Variants in NEO1 observed in about 807,000 individuals in gnomAD.
The protein encoded by NEO1 is neogenin 1.
NEO1 carries 63 observed loss-of-function variants against 159.7 expected under a neutral mutation model. That is an observed-to-expected ratio of 0.39 (90% CI 0.32 to 0.49). The LOEUF (loss-of-function observed/expected upper bound fraction) is 0.49. NEO1 is among the 20% of genes least tolerant of loss of function. The pLI, the probability that NEO1 is intolerant of heterozygous loss-of-function variation, is 0.85. For synonymous variants in NEO1, 633 were observed against 662.0 expected (o/e 0.96, Z 0.67); for missense variants, 1,615 against 1,831.0 (o/e 0.88, Z 2.15).
chr15:73,074,500 T>C (rs2068679892), intron 1 of NEO1, among the ~76,000 whole-genome samples: 1 of 152,258 alleles, frequency 6.6e-6, no homozygotes, highest in Non-Finnish European at 1.5e-5. Flanking sequence ...TTATGCTTTA[T>C]TTCTGTGACT....
chr15:73,113,202 T>C (rs1046300010), intron 1 of NEO1, among the ~76,000 whole-genome samples: 1 of 151,580 alleles, frequency 6.6e-6, no homozygotes, highest in African/African-American at 2.4e-5. Flanking sequence ...CTCTTCCATA[T>C]AGTTTTGTAA....
At position 73,155,753 on chromosome 15, in the gene NEO1, G is replaced by A. The variant is rs143606618; in HGVS notation, c.1015+19726G>A. ...CTGTTCAGGCTTGTCTATTGTTGAAGCTTTCAAATGTATTTTGTAATTCCT... is the reference window on the plus strand; with the variant it reads ...CTGTTCAGGCTTGTCTATTGTTGAAACTTTCAAATGTATTTTGTAATTCCT... On this transcript the variant is annotated intron_variant, in intron 5 of 28. Transcript: ENST00000261908. 6.2e-3 allele frequency among the ~76,000 whole-genome samples: 945 copies of A among 152,262 alleles called. 13 individuals carry two copies. The highest frequency in any genetic ancestry group is 0.048 in the East Asian group (247 of 5,182).
At chr15:73,227,061 A>T (rs566144156) in intron 7 of NEO1, among the ~76,000 whole-genome samples, 21 of 152,350 alleles carry the variant, frequency 1.4e-4, no homozygotes, top group Middle Eastern at 3.4e-3. Flanking sequence ...TTAAACTAAT[A>T]ATTATAGACT....
intron 1 of NEO1, among the ~76,000 whole-genome samples, chr15:73,096,278 A>G (rs1223144816): frequency 3.3e-5 from 5 of 152,336 alleles, no homozygotes; most frequent in East Asian, 1.9e-4. Flanking sequence ...TTTTCACTCG[A>G]TAGATATCAA....
chr15:73,273,018 C>A (rs2041244771), intron 19 of NEO1, among the ~76,000 whole-genome samples: 1 of 149,502 alleles, frequency 6.7e-6, no homozygotes, highest in East Asian at 2.0e-4. Flanking sequence ...CTTTTCACTG[C>A]CCCCCGAGAC....
chr15:73,064,491 G>T (rs1054782087), intron 1 of NEO1, among the ~76,000 whole-genome samples: 2 of 152,074 alleles, frequency 1.3e-5, no homozygotes, highest in East Asian at 1.9e-4. Context: ...TAGAGACATA[G>T]TCTCACTCTG....
chr15:73,170,940 T>A (rs576588216), intron 5 of NEO1, among the ~76,000 whole-genome samples: 1 of 150,518 alleles, frequency 6.6e-6, no homozygotes, highest in South Asian at 2.1e-4. Flanking sequence ...AAAAGAGAGA[T>A]AGACACACAT....
intron 7 of NEO1, among the ~76,000 whole-genome samples, chr15:73,179,253 A>G (rs1235431147): frequency 6.6e-6 from 1 of 152,184 alleles, no homozygotes; most frequent in Non-Finnish European, 1.5e-5. Context: ...AAGAATGGCA[A>G]CTATCAGGAG....
intron 4 of NEO1, among the ~76,000 whole-genome samples, chr15:73,129,649 A>G (rs889449155): frequency 6.6e-6 from 1 of 152,194 alleles, no homozygotes; most frequent in African/African-American, 2.4e-5. Context: ...TATAAATGCT[A>G]GTGTTCAAGG....
At chr15:73,245,518 G>A (rs1040637848) in intron 9 of NEO1, among the ~76,000 whole-genome samples, 1 of 151,934 alleles carries the variant, frequency 6.6e-6, no homozygotes, top group Non-Finnish European at 1.5e-5. Context: ...TCCTACTTGA[G>A]GCTTTTGTCT....
At position 73,135,622 on chromosome 15, in the gene NEO1, G is replaced by C. The variant is rs575713751; in HGVS notation, c.879-269G>C. 3.9e-5 allele frequency among the ~76,000 whole-genome samples: 6 copies of C among 152,300 alleles called. No homozygotes were observed. In the East Asian group the frequency reaches 1.2e-3, roughly 29 times the overall value. On this transcript the variant is annotated intron_variant, in intron 4 of 28. Coordinates refer to ENST00000261908, the MANE Select transcript of NEO1 (RefSeq NM_002499.4). ...GAAGGAAGTGAAATTGGTTCCAAGAGTGATACCCCTTTGGAAATAACTAGA... is the reference window on the plus strand; with the variant it reads ...GAAGGAAGTGAAATTGGTTCCAAGACTGATACCCCTTTGGAAATAACTAGA...
At position 73,298,601 on chromosome 15, in the gene NEO1, G is replaced by C. The variant is rs776073407; in HGVS notation, c.4155G>C (p.Leu1385=). 1.2e-6 allele frequency: 2 copies of C among 1,614,182 alleles called. No individual in the cohort carries two copies. The highest frequency in any genetic ancestry group is 2.2e-5 in the South Asian group (2 of 91,082). ...CTGCATTGCCAAGCACACCATTACT[G>C]TCCCAGCAAGGTGAGTGAGGATGGC... ...YDPALPSTPL[L]SQQALNHHIH... The change falls in exon 27 of 29, where the codon CTG becomes CTC. Residue 1385 remains leucine, a synonymous_variant. Coordinates refer to ENST00000261908, the MANE Select transcript of NEO1 (RefSeq NM_002499.4).
At chr15:73,176,382 A>G (rs1162818622) in intron 5 of NEO1, 21 bp from the exon 6 acceptor site, 2 of 1,486,180 alleles carry the variant, frequency 1.3e-6, no homozygotes, top group Non-Finnish European at 1.8e-6. Flanking sequence ...TTAATGTCTT[A>G]ATTTCCTTTT....
chr15:73,179,084 CAATG>C (rs1267170236), intron 7 of NEO1, among the ~76,000 whole-genome samples: 2 of 151,990 alleles, frequency 1.3e-5, no homozygotes, highest in African/African-American at 4.8e-5. Flanking sequence ...ATTCAGATAA[CAATG>C]AAAAGTATAA....
intron 7 of NEO1, among the ~76,000 whole-genome samples, chr15:73,220,953 G>T (rs2038217152): frequency 6.6e-6 from 1 of 152,190 alleles, no homozygotes; most frequent in Non-Finnish European, 1.5e-5. Context: ...ATCCAGCTTT[G>T]TTCCATTGCT....
chr15:73,192,603 T>G lies in NEO1; in HGVS notation c.1291+14176T>G, dbSNP rs541142875. 7.2e-5 allele frequency among the ~76,000 whole-genome samples: 11 copies of G among 152,082 alleles called. 1 individual carries two copies. The South Asian group carries it at 2.3e-3, about 32-fold the overall frequency. ...AGCATAAATCTCTAAGTAACCTAAT[T>G]GATCCAACCAATAAGGGACTAGTTA... On this transcript the variant is annotated intron_variant, in intron 7 of 28. Transcript: ENST00000261908.
chr15:73,216,215 G>C (rs1464411681), intron 7 of NEO1, among the ~76,000 whole-genome samples: 1 of 152,028 alleles, frequency 6.6e-6, no homozygotes, highest in Non-Finnish European at 1.5e-5. Context: ...AGTTTACTGA[G>C]AATGATGATT....
chr15:73,264,069 C>T (rs1348327142), intron 15 of NEO1, among the ~76,000 whole-genome samples: 1 of 151,936 alleles, frequency 6.6e-6, no homozygotes, highest in Non-Finnish European at 1.5e-5. Flanking sequence ...TGCTTCTAGT[C>T]CCAGCTACTC....
chr15:73,065,103 C>T (rs967438198), intron 1 of NEO1, among the ~76,000 whole-genome samples: 1 of 152,036 alleles, frequency 6.6e-6, no homozygotes, highest in South Asian at 2.1e-4. Flanking sequence ...TGCAAGGCCT[C>T]TATAACACCT....
Sources: gnomAD v4.1 joint callset for allele counts (sites outside exome capture counted in the v4.1 genomes callset) on GRCh38, gnomAD v4.1.1 for gene constraint, MANE v1.5 for transcripts, NCBI Gene and HGNC (gene_info 2026-07-23, HGNC 2026-07-21) for gene names.